ACTR3C: variants seen among roughly 807,000 people sequenced by gnomAD.
ACTR3C encodes the protein actin-related protein 3C.
In ACTR3C, 18 loss-of-function variants were observed where a neutral mutation model predicts 26.3. The ratio of observed to expected loss-of-function variants is 0.68; its 90% CI spans 0.47 to 1.01. The LOEUF (loss-of-function observed/expected upper bound fraction) is 1.01. ACTR3C is among the 50% of genes least tolerant of loss of function. ACTR3C has a pLI of 0.00. For missense variants in ACTR3C, 184 were observed against 250.7 expected (o/e 0.73, Z 1.80); for synonymous variants, 55 against 94.5 (o/e 0.58, Z 2.42).
the ACTR3C span, among the ~76,000 whole-genome samples, chr7:149,987,283 C>T: frequency 4.6e-5 from 7 of 152,064 alleles, no homozygotes; most frequent in African/African-American, 1.4e-4. Flanking sequence ...AAATTAACAG[C>T]GGCCAGGCGC....
downstream of ACTR3C, chr7:150,245,785 A>T (rs1436504254): frequency 6.6e-6 from 1 of 152,220 alleles, no homozygotes; most frequent in Non-Finnish European, 1.5e-5. Context: ...TTCGCACAGG[A>T]GATAGCAAGA....
chr7:150,001,172 T>C, the ACTR3C span: 409 of 152,062 alleles, frequency 2.7e-3, 2 homozygotes, highest in African/African-American at 8.9e-3. Flanking sequence ...CTTTGGCTCT[T>C]GTCGAGTTGG....
chr7:150,159,050 T>C, the ACTR3C span, among the ~76,000 whole-genome samples: 40 of 103,734 alleles, frequency 3.9e-4, no homozygotes, highest in African/African-American at 1.6e-3. Context: ...GCACACACCG[T>C]GGCAACAAGG....
At chr7:150,010,305 C>T in the ACTR3C span, among the ~76,000 whole-genome samples, 1 of 152,214 alleles carries the variant, frequency 6.6e-6, no homozygotes, top group East Asian at 1.9e-4. Context: ...TTCTCAGCAG[C>T]CACATCCCAC....
chr7:149,979,652 AAAT>A, the ACTR3C span, among the ~76,000 whole-genome samples: 1 of 152,050 alleles, frequency 6.6e-6, no homozygotes, highest in Non-Finnish European at 1.5e-5. Flanking sequence ...TTTAAAATTT[AAAT>A]AATAAAATTT....
intron 3 of ACTR3C, 117 bp from the exon 4 acceptor site, chr7:150,289,710 C>G: frequency 6.5e-7 from 1 of 1,527,014 alleles, no homozygotes; most frequent in Non-Finnish European, 8.8e-7. Context: ...CACTGACAAG[C>G]ATTGACAGAA....
At chr7:149,919,045 G>A in the ACTR3C span, among the ~76,000 whole-genome samples, 3 of 152,192 alleles carry the variant, frequency 2.0e-5, no homozygotes, top group Non-Finnish European at 2.9e-5. Context: ...CAAGTTTTCC[G>A]GAATGTGTAA....
At chr7:150,199,725 C>CAAAAAAA in the ACTR3C span, among the ~76,000 whole-genome samples, 9 of 86,070 alleles carry the variant, frequency 1.0e-4, no homozygotes, top group Admixed American at 1.5e-4. Flanking sequence ...ATATTTTTAT[C>CAAAAAAA]AAAAAAAAAA....
the ACTR3C span, among the ~76,000 whole-genome samples, chr7:150,115,819 G>A: frequency 4.6e-5 from 7 of 152,202 alleles, no homozygotes; most frequent in East Asian, 3.8e-4. Context: ...AAGGCTGGCC[G>A]ATAAATGAAG....
chr7:150,019,799 G>T, the ACTR3C span, among the ~76,000 whole-genome samples: 42 of 151,806 alleles, frequency 2.8e-4, no homozygotes, highest in Non-Finnish European at 5.1e-4. Flanking sequence ...ATCCTGCACG[G>T]TGAGAAGTGT....
the ACTR3C span, among the ~76,000 whole-genome samples, chr7:150,148,297 T>C: frequency 6.6e-6 from 1 of 151,762 alleles, no homozygotes; most frequent in African/African-American, 2.4e-5. Flanking sequence ...GCCAACGTGG[T>C]GAAACCCTGT....
At chr7:150,061,437 G>A in the ACTR3C span, among the ~76,000 whole-genome samples, 4 of 150,804 alleles carry the variant, frequency 2.7e-5, no homozygotes, top group African/African-American at 9.8e-5. Flanking sequence ...AATGTACCTG[G>A]GAAGCTAGGA....
the ACTR3C span, among the ~76,000 whole-genome samples, chr7:150,121,070 T>C: frequency 6.6e-6 from 1 of 152,126 alleles, no homozygotes; most frequent in Non-Finnish European, 1.5e-5. Flanking sequence ...AACTAGGTAT[T>C]GATGGGACGT....
chr7:150,282,832 C>G (rs577078967), intron 6 of ACTR3C, among the ~76,000 whole-genome samples: 3 of 144,436 alleles, frequency 2.1e-5, no homozygotes, highest in Admixed American at 6.7e-5. Context: ...GCTGTGATCA[C>G]GCCACTGCAC....
At chr7:150,267,507 G>C (rs1443991476) in intron 6 of ACTR3C, among the ~76,000 whole-genome samples, 1 of 152,208 alleles carries the variant, frequency 6.6e-6, no homozygotes, top group African/African-American at 2.4e-5. Flanking sequence ...GACTACTGCA[G>C]CATCACAGTG....
the ACTR3C span, among the ~76,000 whole-genome samples, chr7:150,157,262 T>C: frequency 6.6e-6 from 1 of 152,136 alleles, no homozygotes; most frequent in African/African-American, 2.4e-5. Context: ...CTTCTAATGG[T>C]AGCTTCTTTA....
intron 4 of ACTR3C, among the ~76,000 whole-genome samples, chr7:150,288,900 G>T (rs1210792048): frequency 6.6e-6 from 1 of 151,606 alleles, no homozygotes; most frequent in Admixed American, 6.6e-5. Flanking sequence ...CCTTCAGCCA[G>T]CCTCAGTTAC....
At chr7:149,968,056 T>C in the ACTR3C span, among the ~76,000 whole-genome samples, 2 of 152,302 alleles carry the variant, frequency 1.3e-5, no homozygotes, top group Non-Finnish European at 1.5e-5. Flanking sequence ...TGTGGAAAGT[T>C]ACCCTTTGGT....
At chr7:150,299,918 G>A (rs12703058) in intron 1 of ACTR3C, among the ~76,000 whole-genome samples, 1 of 151,892 alleles carries the variant, frequency 6.6e-6, no homozygotes, top group African/African-American at 2.4e-5. Context: ...TAACATTACA[G>A]AATTGTACAG....
Sources: allele counts gnomAD v4.1 joint callset (sites outside exome capture counted in the v4.1 genomes callset), GRCh38; gene constraint gnomAD v4.1.1; transcripts MANE v1.5; gene names NCBI Gene and HGNC (gene_info 2026-07-23, HGNC 2026-07-21).